UVRAG: variants seen among roughly 807,000 people sequenced by gnomAD.
UVRAG encodes UV radiation resistance-associated gene protein.
In UVRAG, 19 loss-of-function variants were observed where a neutral mutation model predicts 78.0. That is an observed-to-expected ratio of 0.24 (90% confidence interval 0.17 to 0.36). The LOEUF (loss-of-function observed/expected upper bound fraction) is 0.36. Among genes scored for constraint, UVRAG ranks in the 10% least tolerant of loss-of-function variants. The pLI is 1.00. For missense variants in UVRAG, 740 were observed against 853.8 expected (o/e 0.87, Z 1.66); for synonymous variants, 323 against 324.6 (o/e 1.00, Z 0.05).
rs577937868 is a variant in UVRAG at position 75,970,836 on chromosome 11, A to G, written c.699+9287A>G. ...AAACATCTTGTACTCGTGTGGTACA[A>G]TTGTTATATTGATTAATTAATATTA... On this transcript the variant is annotated intron_variant, in intron 7 of 14. Coordinates refer to ENST00000356136, the MANE Select transcript of UVRAG (RefSeq NM_003369.4). 3.9e-3 allele frequency among the ~76,000 whole-genome samples: 597 copies of G among 152,244 alleles called. 3 individuals carry two copies. The highest frequency in any genetic ancestry group is 0.013 in the African/African-American group (547 of 41,538).
chr11:76,007,486 A>T, intron 9 of UVRAG, 48 bp from the exon 10 acceptor site: 1 of 1,397,554 alleles, frequency 7.2e-7, no homozygotes, highest in South Asian at 1.2e-5. Context: ...GTTACAAAGC[A>T]TGCAAGCATA....
intron 4 of UVRAG, among the ~76,000 whole-genome samples, chr11:75,884,240 T>TC (rs1555080662): frequency 7.5e-5 from 10 of 132,554 alleles, no homozygotes; most frequent in South Asian, 2.5e-4. Flanking sequence ...CTCTCTCTCT[T>TC]TCTCTCTCTC....
chr11:75,932,296 T>TATTTATTTATTTATTG (rs1555089872), intron 6 of UVRAG, among the ~76,000 whole-genome samples: 1 of 151,584 alleles, frequency 6.6e-6, no homozygotes, highest in African/African-American at 2.4e-5. Flanking sequence ...TTTATTTATT[T>TATTTATTTATTTATTG]ATTTATTGAG....
At chr11:75,971,728 C>G (rs1048745464) in intron 7 of UVRAG, among the ~76,000 whole-genome samples, 2 of 151,728 alleles carry the variant, frequency 1.3e-5, no homozygotes, top group South Asian at 2.1e-4. Flanking sequence ...CTCTTTCACT[C>G]AGGCTGGAGT....
chr11:76,094,696 G>A (rs1229246217), intron 13 of UVRAG, among the ~76,000 whole-genome samples: 2 of 151,826 alleles, frequency 1.3e-5, no homozygotes, highest in African/African-American at 4.8e-5. Flanking sequence ...CTGTGGGATC[G>A]GTGGTGATAT....
At position 76,040,471 on chromosome 11, in the gene UVRAG, C is replaced by CA. The variant is rs1268306462; in HGVS notation, c.1226+23506dup. 6.6e-3 allele frequency among the ~76,000 whole-genome samples: 516 copies of CA among 77,676 alleles called. 3 individuals carry two copies. The highest frequency in any genetic ancestry group is 0.021 in the East Asian group (59 of 2,750). The allele number at this position is 77,676 out of a possible 152,430, so 51.0% of individuals were successfully genotyped here. A position where few individuals can be genotyped will look rare whatever the true frequency, so the allele number is the denominator to read the frequency against. On this transcript the variant is annotated intron_variant, in intron 12 of 14. Coordinates refer to ENST00000356136, the MANE Select transcript of UVRAG (RefSeq NM_003369.4). ...TGGGCGACAGTGTGATACTCCATCT[C>CA]AAAAAAAAAAAAAAAGGAAAGAAAG...
At chr11:75,987,334 A>G (rs921214677) in intron 8 of UVRAG, among the ~76,000 whole-genome samples, 45 of 152,178 alleles carry the variant, frequency 3.0e-4, no homozygotes, top group African/African-American at 1.1e-3. Flanking sequence ...TTTTGATTCA[A>G]ATTTACCTAA....
At chr11:75,838,370 C>T (rs1945831159) in intron 1 of UVRAG, among the ~76,000 whole-genome samples, 3 of 151,922 alleles carry the variant, frequency 2.0e-5, no homozygotes, top group Admixed American at 2.0e-4. Context: ...CAGAATCTTA[C>T]CCTGCTGCCC....
intron 14 of UVRAG, among the ~76,000 whole-genome samples, chr11:76,123,923 G>A (rs1287028889): frequency 1.3e-5 from 2 of 152,046 alleles, no homozygotes; most frequent in Non-Finnish European, 2.9e-5. Context: ...GCACCACCAC[G>A]CCCAGCTAAT....
intron 4 of UVRAG, among the ~76,000 whole-genome samples, chr11:75,887,391 C>T (rs1328587724): frequency 6.6e-6 from 1 of 150,862 alleles, no homozygotes; most frequent in African/African-American, 2.4e-5. Context: ...AGTGATCCGC[C>T]GCCTTGGCCT....
intron 5 of UVRAG, among the ~76,000 whole-genome samples, chr11:75,898,186 T>C (rs893039164): frequency 2.6e-5 from 4 of 152,164 alleles, no homozygotes; most frequent in South Asian, 2.1e-4. Context: ...CTTTAATCTT[T>C]AGAGTTTTGT....
At chr11:76,040,436 G>T (rs1344663595) in intron 12 of UVRAG, among the ~76,000 whole-genome samples, 1 of 149,150 alleles carries the variant, frequency 6.7e-6, no homozygotes, top group African/African-American at 2.5e-5. Flanking sequence ...TCACACCACT[G>T]CACTCAGCCT....
intron 12 of UVRAG, among the ~76,000 whole-genome samples, chr11:76,028,981 G>A (rs1321410380): frequency 2.0e-5 from 3 of 152,116 alleles, no homozygotes; most frequent in African/African-American, 7.2e-5. Flanking sequence ...AGAAGTCAAT[G>A]CCTGACTGCA....
intron 4 of UVRAG, among the ~76,000 whole-genome samples, chr11:75,887,479 G>T (rs1462942118): frequency 7.5e-6 from 1 of 132,844 alleles, no homozygotes; most frequent in African/African-American, 2.9e-5. Flanking sequence ...ACGGAGTCTC[G>T]CTCTGTCTCC....
At chr11:76,053,389 T>C (rs376546967) in intron 12 of UVRAG, among the ~76,000 whole-genome samples, 5 of 151,522 alleles carry the variant, frequency 3.3e-5, no homozygotes, top group African/African-American at 1.2e-4. Flanking sequence ...CCCATCACAA[T>C]TCACAGATAC....
chr11:75,948,847 G>A (rs1176909433), intron 6 of UVRAG, among the ~76,000 whole-genome samples: 4 of 152,192 alleles, frequency 2.6e-5, no homozygotes, highest in African/African-American at 7.2e-5. Context: ...GGTACTAGAT[G>A]CATTAGCACG....
intron 12 of UVRAG, among the ~76,000 whole-genome samples, chr11:76,040,241 G>A (rs1950619394): frequency 6.6e-6 from 1 of 151,906 alleles, no homozygotes; most frequent in Non-Finnish European, 1.5e-5. Context: ...GAAGCGGCCG[G>A]GCATGGTGGA....
chr11:76,127,043 A>G (rs1952412861), intron 14 of UVRAG, among the ~76,000 whole-genome samples: 1 of 152,152 alleles, frequency 6.6e-6, no homozygotes, highest in Non-Finnish European at 1.5e-5. Context: ...CTTCACTGTA[A>G]TATACAAAGT....
intron 3 of UVRAG, among the ~76,000 whole-genome samples, chr11:75,878,924 G>A (rs1049962410): frequency 6.6e-6 from 1 of 150,522 alleles, no homozygotes; most frequent in Non-Finnish European, 1.5e-5. Context: ...GGAGGGAGAG[G>A]GAGAGGGAGA....
Sources: gnomAD v4.1 joint callset for allele counts (sites outside exome capture counted in the v4.1 genomes callset) on GRCh38, gnomAD v4.1.1 for gene constraint, MANE v1.5 for transcripts, NCBI Gene and HGNC (gene_info 2026-07-23, HGNC 2026-07-21) for gene names.